The following MSRB3 variants were observed in gnomAD, a reference collection of about 807,000 sequenced individuals.
MSRB3 encodes the protein methionine sulfoxide reductase B3.
A neutral mutation model predicts 21.0 loss-of-function variants in MSRB3; 13 were observed. The ratio of observed to expected loss-of-function variants is 0.62; its 90% confidence interval spans 0.40 to 0.98. The LOEUF (loss-of-function observed/expected upper bound fraction) is 0.98. Ranked by LOEUF, MSRB3 falls within the 50% of genes least tolerant of loss-of-function variation. The pLI is 0.00. For missense variants in MSRB3, 199 were observed against 230.3 expected, an observed-to-expected ratio of 0.86 and a Z score of 0.88; for synonymous variants, 87 against 88.6, an observed-to-expected ratio of 0.98 and a Z score of 0.10.
intron 3 of MSRB3, 71 bp downstream of exon 3, chr12:65,327,005 C>T: frequency 9.1e-7 from 1 of 1,103,626 alleles, no homozygotes; most frequent in East Asian, 2.5e-5. Context: ...CAGTGCTTTT[C>T]CTTGCCAATT....
chr12:65,420,870 A>G (rs771830353), intron 5 of MSRB3, among the ~76,000 whole-genome samples: 2 of 152,188 alleles, frequency 1.3e-5, no homozygotes, highest in African/African-American at 2.4e-5. Context: ...CAATCTACCA[A>G]TGATGGGCAT....
At chr12:65,406,193 TA>T (rs1388907950) in intron 5 of MSRB3, among the ~76,000 whole-genome samples, 4 of 152,198 alleles carry the variant, frequency 2.6e-5, no homozygotes, top group African/African-American at 9.6e-5. Context: ...CAAGTAGTTT[TA>T]CAGTTTCAAG....
intron 4 of MSRB3, among the ~76,000 whole-genome samples, chr12:65,351,534 T>C (rs1390467784): frequency 6.7e-6 from 1 of 150,010 alleles, no homozygotes. Context: ...GCTGGTTTTT[T>C]GAAGGGATCA....
chr12:65,278,821 G>T lies in MSRB3; in HGVS notation c.-96G>T. 1 of 1,565,356 alleles carries T rather than the reference G, an allele frequency of 6.4e-7. No homozygotes were observed. Among genetic ancestry groups the T allele is most frequent in the South Asian group, 1.2e-5 (1 of 84,968 alleles). ...CCCCTCTCGCTCTGCCTCTCCCTCT[G>T]CCTCTGCCTCTGCCTGGCCGCGGCT... On this transcript the variant is annotated 5_prime_UTR_variant, in exon 1 of 7. Coordinates refer to ENST00000308259, the MANE Select transcript of MSRB3 (RefSeq NM_001031679.3).
chr12:65,441,065 C>T (rs1199219686), intron 5 of MSRB3, among the ~76,000 whole-genome samples: 4 of 151,668 alleles, frequency 2.6e-5, no homozygotes, highest in East Asian at 1.9e-4. Context: ...AACAGAGGTC[C>T]GGTGGACACA....
chr12:65,304,893 T>C (rs1282914391), intron 1 of MSRB3, among the ~76,000 whole-genome samples: 1 of 152,178 alleles, frequency 6.6e-6, no homozygotes, highest in Non-Finnish European at 1.5e-5. Flanking sequence ...GAAGTTTTGG[T>C]AGATTAACAT....
chr12:65,368,902 A>G lies in MSRB3; in HGVS notation c.264-96A>G, dbSNP rs911297266. On this transcript the variant is annotated intron_variant, in intron 4 of 6. Coordinates refer to ENST00000308259, the MANE Select transcript of MSRB3 (RefSeq NM_001031679.3). ...GAAATATACACTGAAAAATGTAACT[A>G]TTACCTCCCCTCCCAACCACACCCC... The G allele has an allele frequency of 7.3e-6, 5 of 680,590 alleles. No individual in the cohort carries two copies. The Admixed American group carries it at 1.1e-4, about 15-fold the overall frequency. 42.2% of individuals were successfully genotyped at this position (680,590 alleles called of 1,614,324 possible). A position where few individuals can be genotyped will look rare whatever the true frequency, so the allele number is the denominator to read the frequency against.
intron 4 of MSRB3, among the ~76,000 whole-genome samples, chr12:65,349,820 G>A (rs1876812195): frequency 6.6e-6 from 1 of 151,814 alleles, no homozygotes; most frequent in Non-Finnish European, 1.5e-5. Flanking sequence ...CCCTTTGTCA[G>A]ATAAGTAGGT....
intron 5 of MSRB3, among the ~76,000 whole-genome samples, chr12:65,432,220 C>T (rs1177215642): frequency 6.6e-6 from 1 of 151,870 alleles, no homozygotes; most frequent in Non-Finnish European, 1.5e-5. Context: ...TGCAAAATTA[C>T]TTGCTATTCA....
intron 4 of MSRB3, among the ~76,000 whole-genome samples, chr12:65,350,562 A>C (rs1809923869): frequency 6.6e-6 from 1 of 151,148 alleles, no homozygotes; most frequent in Non-Finnish European, 1.5e-5. Context: ...GTATTCAGGA[A>C]ACCCATCTCA....
chr12:65,446,378 G>A (rs1882618354), intron 5 of MSRB3, among the ~76,000 whole-genome samples: 1 of 152,306 alleles, frequency 6.6e-6, no homozygotes, highest in Middle Eastern at 3.4e-3. Context: ...ATCTGAGCCA[G>A]TTAAAGCGGC....
chr12:65,434,894 A>G (rs1022339909), intron 5 of MSRB3, among the ~76,000 whole-genome samples: 2 of 151,904 alleles, frequency 1.3e-5, no homozygotes, highest in East Asian at 3.9e-4. Flanking sequence ...CAGAAATTTC[A>G]TTGCTCATGC....
At chr12:65,313,363 G>A (rs1279646718) in intron 2 of MSRB3, among the ~76,000 whole-genome samples, 1 of 152,108 alleles carries the variant, frequency 6.6e-6, no homozygotes, top group African/African-American at 2.4e-5. Flanking sequence ...AGAATCGTCA[G>A]TGTGCTGTTC....
At chr12:65,373,515 A>AT (rs568043033) in intron 5 of MSRB3, among the ~76,000 whole-genome samples, 2,864 of 150,634 alleles carry the variant, frequency 0.019, 95 homozygotes, top group African/African-American at 0.066. Flanking sequence ...CAAAACAAAG[A>AT]TTTTTTTTTT....
intron 6 of MSRB3, among the ~76,000 whole-genome samples, chr12:65,461,599 A>G (rs1463859752): frequency 6.6e-6 from 1 of 152,190 alleles, no homozygotes; most frequent in Non-Finnish European, 1.5e-5. Context: ...ATACTTGAGA[A>G]TTGAGCTTAG....
At chr12:65,333,210 T>C (rs986716809) in intron 4 of MSRB3, among the ~76,000 whole-genome samples, 3 of 152,256 alleles carry the variant, frequency 2.0e-5, no homozygotes, top group Non-Finnish European at 4.4e-5. Flanking sequence ...AAATATTTTT[T>C]TCCTCAACGT....
chr12:65,418,021 G>T (rs932351180), intron 5 of MSRB3, among the ~76,000 whole-genome samples: 1 of 152,170 alleles, frequency 6.6e-6, no homozygotes, highest in African/African-American at 2.4e-5. Context: ...GGATCATATG[G>T]TAGATCTGTT....
At chr12:65,349,740 A>G (rs1471431479) in intron 4 of MSRB3, among the ~76,000 whole-genome samples, 1 of 150,324 alleles carries the variant, frequency 6.7e-6, no homozygotes, top group East Asian at 1.9e-4. Context: ...TCCTTCACCC[A>G]CTTTTTGATG....
At chr12:65,450,336 A>G (rs910767556) in intron 5 of MSRB3, among the ~76,000 whole-genome samples, 5 of 152,186 alleles carry the variant, frequency 3.3e-5, no homozygotes, top group East Asian at 1.9e-4. Context: ...TGCCTGCTTC[A>G]GTTGTACTAC....
Sources: allele counts gnomAD v4.1 joint callset (sites outside exome capture counted in the v4.1 genomes callset), GRCh38; gene constraint gnomAD v4.1.1; transcripts MANE v1.5; gene names NCBI Gene and HGNC (gene_info 2026-07-23, HGNC 2026-07-21).